The following GABRG3 variants were observed in gnomAD, a reference collection of about 807,000 sequenced individuals.
GABRG3 encodes the protein gamma-aminobutyric acid receptor subunit gamma-3.
In GABRG3, 25 loss-of-function variants were observed where a neutral mutation model predicts 48.8. The ratio of observed to expected loss-of-function variants is 0.51; its 90% CI spans 0.37 to 0.72. The LOEUF (loss-of-function observed/expected upper bound fraction) is 0.72, where lower values mean the gene tolerates loss of function less well. GABRG3 is among the 30% of genes least tolerant of loss of function. GABRG3 has a pLI of 0.00. For synonymous variants in GABRG3, 227 were observed against 217.6 expected (o/e 1.04, Z -0.38); for missense variants, 394 against 577.9 (o/e 0.68, Z 3.26).
chr15:27,389,721 G>C (rs12909787), intron 5 of GABRG3, among the ~76,000 whole-genome samples: 3 of 151,974 alleles, frequency 2.0e-5, no homozygotes, highest in Admixed American at 2.0e-4. Flanking sequence ...ATGACCCTTC[G>C]AGTTAACACA....
chr15:27,389,616 T>C (rs995008628), intron 5 of GABRG3, among the ~76,000 whole-genome samples: 3 of 152,218 alleles, frequency 2.0e-5, no homozygotes, highest in African/African-American at 7.2e-5. Context: ...TTGCTTCTAG[T>C]ACATCCCACA....
At chr15:27,071,682 A>T (rs1896830105) in intron 3 of GABRG3, among the ~76,000 whole-genome samples, 1 of 152,234 alleles carries the variant, frequency 6.6e-6, no homozygotes, top group African/African-American at 2.4e-5. Flanking sequence ...TCAGCGATAA[A>T]GCAATATCAA....
chr15:27,157,053 A>G (rs4887563), intron 3 of GABRG3, among the ~76,000 whole-genome samples: 5,723 of 152,180 alleles, frequency 0.038, 397 homozygotes, highest in African/African-American at 0.13. Flanking sequence ...AGAAAGAATC[A>G]TATTTCTGAA....
intron 6 of GABRG3, among the ~76,000 whole-genome samples, chr15:27,500,739 A>G (rs891249070): frequency 6.6e-6 from 1 of 152,068 alleles, no homozygotes; most frequent in African/African-American, 2.4e-5. Context: ...AGTGAGTGCA[A>G]ACTTTGCAGT....
At chr15:27,374,119 T>C (rs921769893) in intron 5 of GABRG3, among the ~76,000 whole-genome samples, 16 of 151,118 alleles carry the variant, frequency 1.1e-4, no homozygotes, top group African/African-American at 3.4e-4. Flanking sequence ...CCTAGAATTT[T>C]CTTTCCTTTT....
chr15:27,449,929 T>C (rs1203758931), intron 5 of GABRG3, among the ~76,000 whole-genome samples: 2 of 152,270 alleles, frequency 1.3e-5, no homozygotes, highest in Non-Finnish European at 1.5e-5. Flanking sequence ...CTGGTAAGTT[T>C]ATGTACTTTT....
At position 27,235,242 on chromosome 15, in the gene GABRG3, G is replaced by A. The variant is rs117822498; in HGVS notation, c.271-91567G>A. Among the ~76,000 whole-genome samples the A allele has an allele frequency of 1.8e-3, 276 of 152,322 alleles. 3 individuals are homozygous for A. In the South Asian group the frequency reaches 0.025, roughly 14 times the overall value. ...AATGTCCGCCAAACCAGAAAAAGGTGTAGTCAGTATACCTATCCCTGCACA... is the reference window on the plus strand; with the variant it reads ...AATGTCCGCCAAACCAGAAAAAGGTATAGTCAGTATACCTATCCCTGCACA... On this transcript the variant is annotated intron_variant, in intron 3 of 9. Transcript: ENST00000615808.
chr15:27,470,098 C>T (rs778117470), intron 5 of GABRG3, among the ~76,000 whole-genome samples: 2 of 152,168 alleles, frequency 1.3e-5, no homozygotes, highest in Admixed American at 6.5e-5. Context: ...TCAGTATCTA[C>T]AGGAAAGACA....
At chr15:27,245,858 A>G (rs531750224) in intron 3 of GABRG3, among the ~76,000 whole-genome samples, 1 of 152,306 alleles carries the variant, frequency 6.6e-6, no homozygotes, top group African/African-American at 2.4e-5. Context: ...CATCTCAAAA[A>G]CAAAAACAGA....
intron 3 of GABRG3, among the ~76,000 whole-genome samples, chr15:27,297,960 CTAA>C (rs1184086975): frequency 7.6e-6 from 1 of 131,236 alleles, no homozygotes; most frequent in African/African-American, 2.5e-5. Context: ...AAAACAACTA[CTAA>C]TAATATAATT....
chr15:27,315,548 CATGA>C (rs1893184216), intron 3 of GABRG3, among the ~76,000 whole-genome samples: 1 of 152,204 alleles, frequency 6.6e-6, no homozygotes, highest in African/African-American at 2.4e-5. Flanking sequence ...TTCCCATTAT[CATGA>C]ATGTTAGTCT....
chr15:27,045,889 C>T (rs540700216), intron 3 of GABRG3, among the ~76,000 whole-genome samples: 7 of 152,206 alleles, frequency 4.6e-5, no homozygotes, highest in African/African-American at 1.4e-4. Flanking sequence ...ATGCAGGGGC[C>T]GATGAGTTCT....
chr15:27,306,717 A>G lies in GABRG3; in HGVS notation c.271-20092A>G, dbSNP rs185336785. On this transcript the variant is annotated intron_variant, in intron 3 of 9. Transcript: ENST00000615808. ...GTTTATATATAAACATATACAATAT[A>G]AACATGTTTATATATAAACATATAC... 4.2e-3 allele frequency among the ~76,000 whole-genome samples: 541 copies of G among 127,414 alleles called. 10 individuals are homozygous for G. The highest frequency in any genetic ancestry group is 0.012 in the African/African-American group (397 of 32,420). 83.6% of individuals were successfully genotyped at this position (127,414 alleles called of 152,430 possible). A position where few individuals can be genotyped will look rare whatever the true frequency, so the allele number is the denominator to read the frequency against.
At chr15:27,396,514 G>T (rs1403596197) in intron 5 of GABRG3, among the ~76,000 whole-genome samples, 2 of 152,148 alleles carry the variant, frequency 1.3e-5, no homozygotes, top group African/African-American at 4.8e-5. Flanking sequence ...GTGAGGATGT[G>T]GTGGAACAAC....
At chr15:27,044,678 A>G (rs1345795808) in intron 3 of GABRG3, among the ~76,000 whole-genome samples, 1 of 152,244 alleles carries the variant, frequency 6.6e-6, no homozygotes, top group Non-Finnish European at 1.5e-5. Context: ...CCCTAGAATC[A>G]GAATAGGTTC....
At chr15:27,499,064 T>C (rs1015723472) in intron 6 of GABRG3, among the ~76,000 whole-genome samples, 4 of 152,192 alleles carry the variant, frequency 2.6e-5, no homozygotes, top group Non-Finnish European at 5.9e-5. Flanking sequence ...TCAGTTGCAG[T>C]GGTGCTAAGG....
chr15:27,383,945 G>A (rs184749205), intron 5 of GABRG3, among the ~76,000 whole-genome samples: 492 of 152,240 alleles, frequency 3.2e-3, no homozygotes, highest in Non-Finnish European at 5.4e-3. Flanking sequence ...GTTGGTGGAG[G>A]CCAAACAACT....
At chr15:27,075,955 A>G (rs1180971373) in intron 3 of GABRG3, among the ~76,000 whole-genome samples, 1 of 152,162 alleles carries the variant, frequency 6.6e-6, no homozygotes, top group Non-Finnish European at 1.5e-5. Context: ...GAGTCACGGA[A>G]CGGAAGTGCT....
chr15:27,112,014 A>G (rs1262073335), intron 3 of GABRG3, among the ~76,000 whole-genome samples: 1 of 152,174 alleles, frequency 6.6e-6, no homozygotes, highest in Non-Finnish European at 1.5e-5. Flanking sequence ...GATCCTTACC[A>G]TGAGAATCTG....
Sources: allele counts gnomAD v4.1 joint callset (sites outside exome capture counted in the v4.1 genomes callset), GRCh38; gene constraint gnomAD v4.1.1; transcripts MANE v1.5; gene names NCBI Gene and HGNC (gene_info 2026-07-23, HGNC 2026-07-21).